Variants in AGBL4 observed in about 807,000 individuals in gnomAD.
AGBL4 encodes the protein cytosolic carboxypeptidase 6.
A neutral mutation model predicts 66.4 loss-of-function variants in AGBL4; 58 were observed. That is an observed-to-expected ratio of 0.87 (90% CI 0.71 to 1.09). AGBL4 has a LOEUF of 1.09. Ranked by LOEUF, AGBL4 falls within the 50% of genes least tolerant of loss-of-function variation. AGBL4 has a pLI of 0.00. For missense variants in AGBL4, 579 were observed against 631.0 expected (o/e 0.92, Z 0.88); for synonymous variants, 234 against 222.9 (o/e 1.05, Z -0.44).
At chr1:49,745,746 C>A (rs961778066) in intron 2 of AGBL4, among the ~76,000 whole-genome samples, 1 of 151,690 alleles carries the variant, frequency 6.6e-6, no homozygotes, top group Non-Finnish European at 1.5e-5. Flanking sequence ...ATATATCACA[C>A]AAAAACTGTC....
chr1:48,745,705 C>T (rs144845202), intron 6 of AGBL4, among the ~76,000 whole-genome samples: 45 of 152,330 alleles, frequency 3.0e-4, no homozygotes, highest in African/African-American at 1.1e-3. Context: ...GCCCTATCCC[C>T]TCAAAGACTA....
At chr1:48,535,460 T>C (rs1643954365) in intron 12 of AGBL4, among the ~76,000 whole-genome samples, 1 of 152,218 alleles carries the variant, frequency 6.6e-6, no homozygotes, top group Admixed American at 6.5e-5. Flanking sequence ...ATAAGTTTGA[T>C]GTGTACGCTT....
chr1:49,629,757 A>G (rs1040441574), intron 3 of AGBL4, among the ~76,000 whole-genome samples: 7 of 152,194 alleles, frequency 4.6e-5, no homozygotes, highest in African/African-American at 1.7e-4. Flanking sequence ...GACTAGGGGA[A>G]TCATTAACAA....
intron 3 of AGBL4, among the ~76,000 whole-genome samples, chr1:49,377,743 C>A (rs911533711): frequency 1.3e-5 from 2 of 152,008 alleles, no homozygotes; most frequent in Non-Finnish European, 2.9e-5. Flanking sequence ...GAGGGCCAGG[C>A]GCATACAGCA....
intron 3 of AGBL4, among the ~76,000 whole-genome samples, chr1:49,457,755 A>C (rs571022406): frequency 3.8e-4 from 57 of 151,824 alleles, no homozygotes; most frequent in African/African-American, 1.3e-3. Flanking sequence ...AGACATAAGG[A>C]TCCAGTTTCA....
chr1:48,569,319 C>T (rs1052010427), intron 11 of AGBL4, among the ~76,000 whole-genome samples: 2 of 152,214 alleles, frequency 1.3e-5, no homozygotes, highest in Non-Finnish European at 1.5e-5. Context: ...ATTGCCAATG[C>T]CCAGCACAGG....
intron 4 of AGBL4, among the ~76,000 whole-genome samples, chr1:49,102,414 T>C (rs368183876): frequency 1.3e-5 from 2 of 152,262 alleles, no homozygotes; most frequent in South Asian, 2.1e-4. Flanking sequence ...GTTTTGTTAT[T>C]GTTATTTATT....
At chr1:49,707,924 G>C (rs113197950) in intron 2 of AGBL4, among the ~76,000 whole-genome samples, 4,198 of 152,244 alleles carry the variant, frequency 0.028, 166 homozygotes, top group African/African-American at 0.096. Flanking sequence ...GACATCCCCT[G>C]TTAGTCTGAT....
At chr1:48,939,312 C>A (rs1655747907) in intron 5 of AGBL4, among the ~76,000 whole-genome samples, 1 of 152,214 alleles carries the variant, frequency 6.6e-6, no homozygotes, top group Non-Finnish European at 1.5e-5. Context: ...AGGTCTGTCC[C>A]TTCAGCCTTC....
chr1:48,874,014 T>C (rs1648961007), intron 5 of AGBL4, among the ~76,000 whole-genome samples: 1 of 152,206 alleles, frequency 6.6e-6, no homozygotes, highest in East Asian at 1.9e-4. Context: ...TTTTGCTTTC[T>C]GTGTTTCGTG....
intron 4 of AGBL4, among the ~76,000 whole-genome samples, chr1:49,085,988 C>T (rs912689668): frequency 2.0e-5 from 3 of 152,118 alleles, no homozygotes; most frequent in African/African-American, 7.2e-5. Flanking sequence ...CAAGATTGCT[C>T]CACCCCTTTG....
intron 5 of AGBL4, among the ~76,000 whole-genome samples, chr1:48,993,606 G>T (rs1003666709): frequency 1.1e-4 from 17 of 152,166 alleles, no homozygotes; most frequent in Non-Finnish European, 2.2e-4. Context: ...GACCGCCTTT[G>T]AAGTTTATTT....
chr1:49,892,967 C>A (rs1026532149), intron 1 of AGBL4, among the ~76,000 whole-genome samples: 4 of 152,010 alleles, frequency 2.6e-5, no homozygotes, highest in African/African-American at 4.8e-5. Flanking sequence ...CAGTTTTGTT[C>A]TACTCTTCAC....
intron 2 of AGBL4, among the ~76,000 whole-genome samples, chr1:49,844,328 G>C (rs576615076): frequency 4.9e-4 from 74 of 152,244 alleles, no homozygotes; most frequent in Non-Finnish European, 6.2e-4. Context: ...TCCAAGTCCA[G>C]TGCATCTGTG....
intron 6 of AGBL4, among the ~76,000 whole-genome samples, chr1:48,725,691 G>C (rs1410344456): frequency 1.3e-5 from 2 of 152,146 alleles, no homozygotes; most frequent in African/African-American, 4.8e-5. Context: ...ACAGCTCCAG[G>C]ACCTTGAGCA....
chr1:48,596,534 T>C (rs943242072), intron 9 of AGBL4, among the ~76,000 whole-genome samples: 11 of 152,192 alleles, frequency 7.2e-5, no homozygotes, highest in Admixed American at 6.5e-4. Flanking sequence ...TTGAGGACTC[T>C]TTCTTTAATA....
intron 3 of AGBL4, among the ~76,000 whole-genome samples, chr1:49,357,634 A>C (rs1644047104): frequency 6.6e-6 from 1 of 152,156 alleles, no homozygotes; most frequent in Non-Finnish European, 1.5e-5. Flanking sequence ...TCCCTGTTTT[A>C]CTGAAGGAAA....
chr1:49,442,014 A>T (rs1465048966), intron 3 of AGBL4, among the ~76,000 whole-genome samples: 2 of 152,226 alleles, frequency 1.3e-5, no homozygotes, highest in African/African-American at 4.8e-5. Flanking sequence ...TGAGCCCACG[A>T]TATGGCACCA....
intron 3 of AGBL4, among the ~76,000 whole-genome samples, chr1:49,615,540 G>A (rs1645234175): frequency 6.6e-6 from 1 of 152,066 alleles, no homozygotes; most frequent in Non-Finnish European, 1.5e-5. Context: ...CCGACAGTTT[G>A]TAGTTAATTC....
Sources: gnomAD v4.1 joint callset for allele counts (sites outside exome capture counted in the v4.1 genomes callset) on GRCh38, gnomAD v4.1.1 for gene constraint, MANE v1.5 for transcripts, NCBI Gene and HGNC (gene_info 2026-07-23, HGNC 2026-07-21) for gene names.